The following SCUBE2 variants were observed in gnomAD, a reference collection of about 807,000 sequenced individuals.
SCUBE2 encodes the protein signal peptide, CUB domain and EGF like domain containing 2, also known as signal peptide, CUB and EGF-like domain-containing protein 2.
In SCUBE2, 114 loss-of-function variants were observed where a neutral mutation model predicts 125.9. The observed-to-expected ratio is 0.91, with a 90% CI of 0.78 to 1.06. The LOEUF is 1.06. SCUBE2 is among the 50% of genes least tolerant of loss of function. The probability of loss-of-function intolerance (pLI) is 0.00; values close to 1 mark genes in which losing one functional copy is unlikely to be tolerated. For synonymous variants in SCUBE2, 459 were observed against 492.9 expected, an observed-to-expected ratio of 0.93 and a Z score of 0.91; for missense variants, 1,255 against 1,301.8, an observed-to-expected ratio of 0.96 and a Z score of 0.55.
rs773334161 is a variant in SCUBE2, at chr11:9,059,323, G to C, written c.1070C>G (p.Thr357Arg). ...CGCKKGFKLL[T>R]DEKSCQDVDE... ...CATACCTTGGCAAGACTTCTCATCT[G>C]TTAATAATTTAAATCCTTTCTTGCA... The change falls in exon 9 of 23, where the codon ACA becomes AGA. Residue 357 changes from threonine (T) to arginine (R), a missense_variant. Thr to Arg is a moderately conservative substitution (Grantham distance 71). Around this residue, in one of 3 missense-constraint regions of SCUBE2, gnomAD observed 378 missense variants for 463.1 expected, o/e 0.82. Transcript: ENST00000649792. The C allele has an allele frequency of 8.1e-6, 13 of 1,614,200 alleles. No homozygotes were observed. Among genetic ancestry groups the C allele is most frequent in the Middle Eastern group, 1.7e-4 (1 of 6,056 alleles).
Position 9,030,793 on chromosome 11 carries a change from T to C in SCUBE2, c.2306A>G (p.Gln769Arg), listed in dbSNP as rs1465144136. ...ACAGTCCTGAAAGGAAGTAGCTCCCTGATGTTTGGTGGCAAGGCCTCCTCC... is the reference window on the plus strand; with the variant it reads ...ACAGTCCTGAAAGGAAGTAGCTCCCCGATGTTTGGTGGCAAGGCCTCCTCC... ...PCGGGLATKH[Q>R]GATSFQDCET... is the part of the protein sequence containing the mutation. The change falls in exon 18 of 23, where the codon CAG becomes CGG. Residue 769 changes from glutamine (Q) to arginine (R), a missense_variant. By Grantham distance (43) the Gln-to-Arg change is conservative. Coordinates refer to ENST00000649792, the MANE Select transcript of SCUBE2 (RefSeq NM_001367977.2). 1 of 1,614,168 alleles carries C rather than the reference T, an allele frequency of 6.2e-7. No homozygotes were observed. Among genetic ancestry groups the C allele is most frequent in the Non-Finnish European group, 8.5e-7 (1 of 1,180,018 alleles).
intron 16 of SCUBE2, among the ~76,000 whole-genome samples, chr11:9,037,132 A>G (rs1298702890): frequency 2.0e-5 from 3 of 152,216 alleles, no homozygotes; most frequent in African/African-American, 7.2e-5. Context: ...CTCTTTGCAA[A>G]TGTGCTGAGA....
chr11:9,028,609 T>C (rs1855997056), intron 19 of SCUBE2, among the ~76,000 whole-genome samples: 1 of 152,220 alleles, frequency 6.6e-6, no homozygotes, highest in Non-Finnish European at 1.5e-5. Flanking sequence ...CAAGAGAAGA[T>C]GTTGAAGGGA....
chr11:9,034,678 T>G (rs1856606213), intron 16 of SCUBE2, among the ~76,000 whole-genome samples: 2 of 152,044 alleles, frequency 1.3e-5, no homozygotes, highest in South Asian at 4.2e-4. Context: ...ACACTTCAGG[T>G]TCATAATAAA....
chr11:9,036,543 T>C (rs572647012), intron 16 of SCUBE2, among the ~76,000 whole-genome samples: 1 of 152,314 alleles, frequency 6.6e-6, no homozygotes, highest in African/African-American at 2.4e-5. Context: ...GCCATTTCTA[T>C]CTGAAGAAGA....
At chr11:9,056,381 T>G (rs1422982218) in intron 9 of SCUBE2, among the ~76,000 whole-genome samples, 1 of 152,206 alleles carries the variant, frequency 6.6e-6, no homozygotes, top group Non-Finnish European at 1.5e-5. Flanking sequence ...CATCCCTTTC[T>G]TATTTTCTCA....
intron 13 of SCUBE2, among the ~76,000 whole-genome samples, chr11:9,052,275 G>A (rs1858492933): frequency 6.6e-6 from 1 of 152,234 alleles, no homozygotes; most frequent in Non-Finnish European, 1.5e-5. Context: ...TAATGACAAA[G>A]GCGTCTATAT....
chr11:9,078,538 C>G (rs1861380774), intron 3 of SCUBE2, among the ~76,000 whole-genome samples: 1 of 152,228 alleles, frequency 6.6e-6, no homozygotes, highest in Non-Finnish European at 1.5e-5. Flanking sequence ...AAGGGCCATT[C>G]CTACCACACC....
intron 20 of SCUBE2, 112 bp from the exon 21 acceptor site, chr11:9,025,966 GCTC>G: frequency 1.8e-6 from 2 of 1,127,810 alleles, no homozygotes; most frequent in Non-Finnish European, 2.5e-6. Context: ...ATGCTCAAAA[GCTC>G]TTCAGGCCCA....
chr11:9,078,391 T>C (rs1275184748), intron 3 of SCUBE2, among the ~76,000 whole-genome samples: 1 of 152,138 alleles, frequency 6.6e-6, no homozygotes, highest in Non-Finnish European at 1.5e-5. Flanking sequence ...GACACTGAAG[T>C]GGGATAAAGG....
At chr11:9,058,331 C>T (rs1859306465) in intron 9 of SCUBE2, among the ~76,000 whole-genome samples, 1 of 152,046 alleles carries the variant, frequency 6.6e-6, no homozygotes, top group Non-Finnish European at 1.5e-5. Flanking sequence ...GGCGCAGTGG[C>T]TCACACCTGT....
intron 3 of SCUBE2, among the ~76,000 whole-genome samples, chr11:9,075,781 C>T (rs1269673893): frequency 1.3e-5 from 2 of 152,220 alleles, no homozygotes; most frequent in African/African-American, 4.8e-5. Flanking sequence ...GACAGCACTG[C>T]GGCTGCCAGG....
intron 18 of SCUBE2, chr11:9,030,441 G>T: frequency 2.4e-6 from 1 of 416,176 alleles, no homozygotes. Flanking sequence ...GGGTATTGGG[G>T]GGAAGCTCTA....
intron 9 of SCUBE2, among the ~76,000 whole-genome samples, chr11:9,057,694 A>T (rs1423820152): frequency 1.3e-5 from 2 of 151,372 alleles, no homozygotes; most frequent in African/African-American, 4.9e-5. Context: ...CCATGCCCCC[A>T]CCTAATTTTT....
At chr11:9,083,954 C>A (rs1861862843) in intron 2 of SCUBE2, among the ~76,000 whole-genome samples, 1 of 152,082 alleles carries the variant, frequency 6.6e-6, no homozygotes. Flanking sequence ...CGTGTGCATG[C>A]GTGGATGAGT....
chr11:9,074,809 C>T (rs1224052433), intron 3 of SCUBE2, among the ~76,000 whole-genome samples, 194 bp from the exon 4 acceptor site: 3 of 152,190 alleles, frequency 2.0e-5, no homozygotes, highest in African/African-American at 7.2e-5. Context: ...CTCACTTGGC[C>T]AGGACCGCCA....
chr11:9,031,977 TAA>T (rs1856344998), intron 17 of SCUBE2, among the ~76,000 whole-genome samples: 2 of 152,172 alleles, frequency 1.3e-5, no homozygotes, highest in Admixed American at 6.5e-5. Flanking sequence ...TGTGTGACCT[TAA>T]AAGAGTCACT....
chr11:9,070,653 C>T (rs905019848), intron 4 of SCUBE2, among the ~76,000 whole-genome samples: 10 of 152,134 alleles, frequency 6.6e-5, no homozygotes, highest in African/African-American at 1.9e-4. Flanking sequence ...CTCTAGAATC[C>T]AACACCCTTC....
At chr11:9,078,813 T>C (rs536478195) in intron 3 of SCUBE2, among the ~76,000 whole-genome samples, 1 of 152,354 alleles carries the variant, frequency 6.6e-6, no homozygotes, top group South Asian at 2.1e-4. Flanking sequence ...TGCTTCTAAG[T>C]TCTGTTTTAT....
Sources: allele counts gnomAD v4.1 joint callset (sites outside exome capture counted in the v4.1 genomes callset), GRCh38; gene constraint gnomAD v4.1.1; regional missense constraint gnomAD v4.1.1; transcripts MANE v1.5; gene names NCBI Gene and HGNC (gene_info 2026-07-23, HGNC 2026-07-21).